Variants in FHIT observed in about 807,000 individuals in gnomAD.
FHIT encodes bis(5'-adenosyl)-triphosphatase.
A neutral mutation model predicts 17.9 loss-of-function variants in FHIT; 19 were observed. The observed-to-expected ratio is 1.06, with a 90% CI of 0.74 to 1.56. The LOEUF (loss-of-function observed/expected upper bound fraction) is 1.56, where lower values mean the gene tolerates loss of function less well. FHIT is among the 40% of genes most tolerant of loss of function. The probability of loss-of-function intolerance (pLI) is 0.00; values close to 1 mark genes in which losing one functional copy is unlikely to be tolerated. For synonymous variants in FHIT, 81 were observed against 69.7 expected (o/e 1.16, Z -0.81); for missense variants, 248 against 189.2 (o/e 1.31, Z -1.82).
intron 4 of FHIT, among the ~76,000 whole-genome samples, chr3:60,638,224 C>G (rs369019451): frequency 5.3e-5 from 8 of 152,054 alleles, no homozygotes; most frequent in African/African-American, 1.9e-4. Context: ...AGTAACAACA[C>G]GACATGGAGG....
intron 5 of FHIT, among the ~76,000 whole-genome samples, chr3:60,270,088 G>C (rs1365053770): frequency 2.6e-5 from 4 of 152,150 alleles, no homozygotes; most frequent in Non-Finnish European, 5.9e-5. Flanking sequence ...AGAGAATTTG[G>C]AATTAGAATT....
chr3:60,095,562 G>A (rs973292483), intron 5 of FHIT, among the ~76,000 whole-genome samples: 5 of 152,212 alleles, frequency 3.3e-5, no homozygotes, highest in African/African-American at 9.6e-5. Context: ...TCACATGTGA[G>A]TCTTGCTCAG....
chr3:60,349,798 T>C (rs6797780), intron 5 of FHIT, among the ~76,000 whole-genome samples: 58,382 of 152,058 alleles, frequency 0.38, 12,753 homozygotes, highest in South Asian at 0.62. Flanking sequence ...CATTGCTGAA[T>C]TCATAAGGTA....
At chr3:60,552,343 A>C (rs1028732485) in intron 4 of FHIT, among the ~76,000 whole-genome samples, 1 of 152,224 alleles carries the variant, frequency 6.6e-6, no homozygotes, top group African/African-American at 2.4e-5. Context: ...CGTACACCTA[A>C]GAGTGAAACT....
chr3:60,438,006 T>C (rs1226409485), intron 5 of FHIT, among the ~76,000 whole-genome samples: 2 of 152,136 alleles, frequency 1.3e-5, no homozygotes, highest in Non-Finnish European at 2.9e-5. Flanking sequence ...TAAACTTTCA[T>C]ATAGTCATAT....
At chr3:60,420,613 A>C (rs547609779) in intron 5 of FHIT, among the ~76,000 whole-genome samples, 2 of 152,272 alleles carry the variant, frequency 1.3e-5, no homozygotes, top group African/African-American at 4.8e-5. Flanking sequence ...TATTTTACTT[A>C]GCAATTCTCT....
chr3:60,023,381 G>A (rs866141420), intron 5 of FHIT, among the ~76,000 whole-genome samples: 51 of 152,302 alleles, frequency 3.3e-4, no homozygotes, highest in African/African-American at 8.9e-4. Flanking sequence ...AATGAGGGGA[G>A]TGCCCTGAGC....
chr3:60,295,955 C>T (rs754974794), intron 5 of FHIT, among the ~76,000 whole-genome samples: 6 of 151,982 alleles, frequency 3.9e-5, no homozygotes, highest in Non-Finnish European at 7.4e-5. Context: ...AATTAAATCA[C>T]GGGGGTAGTT....
intron 5 of FHIT, among the ~76,000 whole-genome samples, chr3:60,427,897 A>G (rs1209947895): frequency 6.6e-6 from 1 of 152,022 alleles, no homozygotes; most frequent in Non-Finnish European, 1.5e-5. Flanking sequence ...AGTCCTGTTA[A>G]TGTCTTCTCC....
chr3:59,755,244 G>C (rs1008778265), intron 8 of FHIT, among the ~76,000 whole-genome samples: 4 of 152,178 alleles, frequency 2.6e-5, no homozygotes, highest in African/African-American at 9.7e-5. Flanking sequence ...GCTTGTCTTA[G>C]CAACACTAAC....
chr3:61,055,995 A>C (rs986672486), intron 2 of FHIT, among the ~76,000 whole-genome samples: 1 of 152,230 alleles, frequency 6.6e-6, no homozygotes, highest in Non-Finnish European at 1.5e-5. Flanking sequence ...TCTTTTAGTT[A>C]TTATCCTAAA....
intron 5 of FHIT, among the ~76,000 whole-genome samples, chr3:60,072,165 A>T (rs1702803384): frequency 6.6e-6 from 1 of 152,226 alleles, no homozygotes; most frequent in African/African-American, 2.4e-5. Flanking sequence ...TAGCCTGATG[A>T]CAACAGGCAG....
intron 5 of FHIT, among the ~76,000 whole-genome samples, chr3:60,267,156 G>C (rs1706621519): frequency 6.6e-6 from 1 of 152,034 alleles, no homozygotes; most frequent in African/African-American, 2.4e-5. Flanking sequence ...GAAAGAGCTT[G>C]AAATGTAAAA....
intron 7 of FHIT, among the ~76,000 whole-genome samples, chr3:59,950,797 T>C (rs184393071): frequency 6.6e-6 from 1 of 152,300 alleles, no homozygotes; most frequent in East Asian, 1.9e-4. Flanking sequence ...AAAACACCTC[T>C]GAATCCAACG....
At position 60,018,716 on chromosome 3, in the gene FHIT, G is replaced by A. The variant is rs369451376; in HGVS notation, c.104-4564C>T. On this transcript the variant is annotated intron_variant, in intron 5 of 9. Coordinates refer to ENST00000492590, the MANE Select transcript of FHIT (RefSeq NM_002012.4). ...TGATCGGCCGGGCGCAGTGGCTCAC[G>A]CCTGTAATCCCAGCACTTTGGGAGG... 6.6e-4 allele frequency among the ~76,000 whole-genome samples: 101 copies of A among 152,256 alleles called. 1 individual carries two copies. The Middle Eastern group carries it at 0.01, about 15-fold the overall frequency.
At chr3:60,751,703 A>G (rs1559694333) in intron 4 of FHIT, among the ~76,000 whole-genome samples, 1 of 152,076 alleles carries the variant, frequency 6.6e-6, no homozygotes. Flanking sequence ...TCTGAAAGGC[A>G]GGGTAGCAAC....
At chr3:60,719,061 T>C (rs1255414574) in intron 4 of FHIT, among the ~76,000 whole-genome samples, 1 of 152,202 alleles carries the variant, frequency 6.6e-6, no homozygotes, top group Non-Finnish European at 1.5e-5. Flanking sequence ...GGTGAAGGCA[T>C]GCCCAACAGC....
intron 5 of FHIT, among the ~76,000 whole-genome samples, chr3:60,408,081 C>T (rs1362871575): frequency 1.3e-5 from 2 of 152,186 alleles, no homozygotes; most frequent in Non-Finnish European, 2.9e-5. Context: ...TCAACCAGCA[C>T]TCACCATGTA....
intron 2 of FHIT, among the ~76,000 whole-genome samples, chr3:61,079,643 C>T (rs371664563): frequency 2.0e-5 from 3 of 152,160 alleles, no homozygotes; most frequent in Admixed American, 6.5e-5. Context: ...AGATGTATTT[C>T]ACATGTACAT....
Sources: gnomAD v4.1 joint callset for allele counts (sites outside exome capture counted in the v4.1 genomes callset) on GRCh38, gnomAD v4.1.1 for gene constraint, MANE v1.5 for transcripts, NCBI Gene and HGNC (gene_info 2026-07-23, HGNC 2026-07-21) for gene names.